Variants in NTM observed in about 807,000 individuals in gnomAD.
The protein encoded by NTM is IgLON family member 2.
Under a neutral mutation model 42.1 loss-of-function variants are expected in NTM, and 13 were observed. The observed-to-expected ratio is 0.31, with a 90% CI of 0.20 to 0.49. NTM has a LOEUF of 0.49. NTM is among the 20% of genes least tolerant of loss of function. NTM has a pLI of 0.99. For missense variants in NTM, 373 were observed against 452.8 expected (o/e 0.82, Z 1.60); for synonymous variants, 187 against 179.2 (o/e 1.04, Z -0.35).
intron 1 of NTM, among the ~76,000 whole-genome samples, chr11:131,443,309 AG>A (rs1486634325): frequency 6.6e-6 from 1 of 152,226 alleles, no homozygotes; most frequent in Non-Finnish European, 1.5e-5. Context: ...AATAAAGAAG[AG>A]GGAAAGAAGA....
At chr11:131,459,960 G>T (rs1282841069) in intron 1 of NTM, among the ~76,000 whole-genome samples, 2 of 152,078 alleles carry the variant, frequency 1.3e-5, no homozygotes, top group Admixed American at 1.3e-4. Flanking sequence ...TAAAACAATT[G>T]TCTCAAAGCA....
At chr11:131,381,947 A>G (rs1006483874) in intron 1 of NTM, among the ~76,000 whole-genome samples, 1 of 152,244 alleles carries the variant, frequency 6.6e-6, no homozygotes, top group Non-Finnish European at 1.5e-5. Flanking sequence ...ACTGATGTTA[A>G]CACTCTTTTT....
intron 1 of NTM, among the ~76,000 whole-genome samples, chr11:131,476,094 A>G (rs1212951670): frequency 6.6e-6 from 1 of 151,986 alleles, no homozygotes; most frequent in African/African-American, 2.4e-5. Context: ...GAGGGAGGAA[A>G]GCCTGTGTAT....
At chr11:132,029,643 G>A (rs2075667227) in intron 2 of NTM, among the ~76,000 whole-genome samples, 1 of 152,046 alleles carries the variant, frequency 6.6e-6, no homozygotes, top group South Asian at 2.1e-4. Flanking sequence ...AGTCCACATA[G>A]TCCATCAGTC....
At chr11:131,769,649 C>G in intron 1 of NTM, 1 of 908,842 alleles carries the variant, frequency 1.1e-6, no homozygotes, top group Non-Finnish European at 1.3e-6. Flanking sequence ...AGCATGAGCT[C>G]GCTTTTACAG....
chr11:131,769,033 A>T (rs780728164), intron 1 of NTM, among the ~76,000 whole-genome samples: 15 of 152,200 alleles, frequency 9.9e-5, no homozygotes, highest in Non-Finnish European at 2.2e-4. Context: ...TCATGTCTGT[A>T]AAAGCAGGTA....
intron 2 of NTM, among the ~76,000 whole-genome samples, chr11:132,100,557 CT>C (rs1314912963): frequency 6.6e-6 from 1 of 152,196 alleles, no homozygotes; most frequent in African/African-American, 2.4e-5. Flanking sequence ...CCATTAGCTT[CT>C]TTTGAATCCA....
intron 2 of NTM, among the ~76,000 whole-genome samples, chr11:131,946,635 TC>T (rs1445683160): frequency 1.3e-5 from 2 of 152,180 alleles, no homozygotes; most frequent in African/African-American, 4.8e-5. Context: ...TTTACATTCA[TC>T]TCTAACCCTA....
intron 4 of NTM, among the ~76,000 whole-genome samples, chr11:132,282,317 A>G (rs901754362): frequency 6.6e-6 from 1 of 152,238 alleles, no homozygotes. Context: ...TCTTGTCACC[A>G]GAGCAGCTGA....
chr11:131,874,186 G>C (rs906613422), intron 1 of NTM, among the ~76,000 whole-genome samples: 3 of 150,528 alleles, frequency 2.0e-5, no homozygotes, highest in African/African-American at 7.3e-5. Context: ...GAAAGAGGTA[G>C]GTTGGGGAAA....
At chr11:131,983,053 T>A (rs2065499716) in intron 2 of NTM, among the ~76,000 whole-genome samples, 1 of 71,460 alleles carries the variant, frequency 1.4e-5, no homozygotes, top group South Asian at 2.8e-4. Context: ...AGGAAAATGA[T>A]TTTTTTTTTT....
At chr11:132,311,373 T>G (rs2095275329) in intron 6 of NTM, among the ~76,000 whole-genome samples, 1 of 152,210 alleles carries the variant, frequency 6.6e-6, no homozygotes, top group Non-Finnish European at 1.5e-5. Flanking sequence ...TAAGGACACA[T>G]TCTGGCAGCT....
chr11:132,333,047 G>C (rs1042657906), intron 8 of NTM, among the ~76,000 whole-genome samples: 13 of 152,192 alleles, frequency 8.5e-5, no homozygotes, highest in Non-Finnish European at 8.8e-5. Flanking sequence ...GAAAGAGGCA[G>C]AGCAGTGTGC....
rs79689785 is a variant in NTM at position 131,814,938 on chromosome 11, C to T, written c.83-96626C>T. Among the ~76,000 whole-genome samples, 1,309 of 152,344 alleles carry T rather than the reference C, an allele frequency of 8.6e-3. 21 individuals carry two copies. Among genetic ancestry groups the T allele is most frequent in the African/African-American group, 0.03 (1,233 of 41,588 alleles). On this transcript the variant is annotated intron_variant, in intron 1 of 8. Transcript: ENST00000683400. ...ATCTCTCCAAACCCACTACCTCTCC[C>T]AGCTCTGCTGCCAGCTTCCCATACC...
At chr11:132,271,424 T>C (rs2093470038) in intron 4 of NTM, among the ~76,000 whole-genome samples, 1 of 152,324 alleles carries the variant, frequency 6.6e-6, no homozygotes. Flanking sequence ...AGGAGTGGAA[T>C]AGCTGGGTGG....
chr11:131,692,838 T>A (rs2135052434), intron 1 of NTM, among the ~76,000 whole-genome samples: 1 of 152,236 alleles, frequency 6.6e-6, no homozygotes, highest in South Asian at 2.1e-4. Flanking sequence ...GGAGACTCGA[T>A]TGCCTAGTGA....
In NTM at chr11:131,385,648, T is replaced by C. The variant is rs531335378; in HGVS notation, c.82+14760T>C. ...CTGGAGGATTGCTTAAGCCCAAGAG[T>C]TCATGACCAGCCTGGGCAATACAGA... On this transcript the variant is annotated intron_variant, in intron 1 of 8. Transcript: ENST00000683400. Among the ~76,000 whole-genome samples, 51 of 152,060 alleles carry C rather than the reference T, an allele frequency of 3.4e-4. 1 individual carries two copies. Among genetic ancestry groups the C allele is most frequent in the South Asian group, 2.5e-3 (12 of 4,788 alleles).
At chr11:131,383,309 G>A (rs141873054) in intron 1 of NTM, among the ~76,000 whole-genome samples, 1 of 152,318 alleles carries the variant, frequency 6.6e-6, no homozygotes, top group Non-Finnish European at 1.5e-5. Context: ...AACAAGGCAG[G>A]CATAGTTCCT....
chr11:131,704,801 C>T (rs543795158), intron 1 of NTM, among the ~76,000 whole-genome samples: 16 of 152,050 alleles, frequency 1.1e-4, no homozygotes, highest in African/African-American at 3.1e-4. Flanking sequence ...AACAGAAATC[C>T]GGAGATGAAG....
Sources: gnomAD v4.1 joint callset for allele counts (sites outside exome capture counted in the v4.1 genomes callset) on GRCh38, gnomAD v4.1.1 for gene constraint, MANE v1.5 for transcripts, NCBI Gene and HGNC (gene_info 2026-07-23, HGNC 2026-07-21) for gene names.